The following AP3B1 variants were observed in gnomAD, a reference collection of about 807,000 sequenced individuals.
AP3B1 encodes the protein AP-3 complex subunit beta-1.
Under a neutral mutation model 132.5 loss-of-function variants are expected in AP3B1, and 61 were observed. The observed-to-expected ratio is 0.46, with a 90% CI of 0.37 to 0.57. AP3B1 has a LOEUF of 0.57. Ranked by LOEUF, AP3B1 falls within the 20% of genes least tolerant of loss-of-function variation. The pLI is 0.00. For missense variants in AP3B1, 1,120 were observed against 1,289.4 expected, an observed-to-expected ratio of 0.87 and a Z score of 2.01; for synonymous variants, 388 against 438.3, an observed-to-expected ratio of 0.89 and a Z score of 1.43.
At position 78,223,027 on chromosome 5, in the gene AP3B1, C is replaced by CTCTTTT. The variant is rs66493022; in HGVS notation, c.603+2514_603+2515insAAAAGA. ...TGTTTTTTTGTTTGTTTGTTTGTTT[C>CTCTTTT]TTTTTTTTTTTTTGTAGAGACAAGG... On this transcript the variant is annotated intron_variant, in intron 6 of 26. Coordinates refer to ENST00000255194, the MANE Select transcript of AP3B1 (RefSeq NM_003664.5). Among the ~76,000 whole-genome samples, 6 of 127,818 alleles carry CTCTTTT rather than the reference C, an allele frequency of 4.7e-5. 1 individual carries two copies. The highest frequency in any genetic ancestry group is 7.9e-5 in the Admixed American group (1 of 12,624). 83.9% of individuals were successfully genotyped at this position (127,818 alleles called of 152,430 possible).
intron 1 of AP3B1, among the ~76,000 whole-genome samples, chr5:78,272,846 A>G (rs1209055062): frequency 7.2e-5 from 11 of 152,190 alleles, no homozygotes; most frequent in Non-Finnish European, 2.9e-5. Flanking sequence ...CTCTGAATAA[A>G]TAAAGAACTG....
intron 26 of AP3B1, among the ~76,000 whole-genome samples, chr5:78,009,167 C>A (rs1746510431): frequency 6.6e-6 from 1 of 151,754 alleles, no homozygotes; most frequent in African/African-American, 2.4e-5. Flanking sequence ...AGATATGGAA[C>A]AAGTTGGCCA....
rs1452692098 is a variant in AP3B1 at position 78,139,945 on chromosome 5, G to T, written c.1650+1198C>A. 3.3e-5 allele frequency among the ~76,000 whole-genome samples: 5 copies of T among 151,392 alleles called. No homozygotes were observed. In the East Asian group the frequency reaches 9.7e-4, roughly 29 times the overall value. ...GGGGACAAAAACAAAGAGAGGGGAG[G>T]TGGAGAAAAAAAATCACAAAGGCAA... On this transcript the variant is annotated intron_variant, in intron 15 of 26. Transcript: ENST00000255194.
At chr5:78,030,284 T>A (rs1747519775) in intron 24 of AP3B1, among the ~76,000 whole-genome samples, 1 of 152,176 alleles carries the variant, frequency 6.6e-6, no homozygotes, top group Admixed American at 6.5e-5. Flanking sequence ...ACTACAGGCA[T>A]GCATCACCAT....
At chr5:78,294,407 G>A (rs373662777) in intron 1 of AP3B1, 45 bp downstream of exon 1, 34 of 1,612,670 alleles carry the variant, frequency 2.1e-5, no homozygotes, top group Non-Finnish European at 2.8e-5. Flanking sequence ...CTCCGAGTCC[G>A]CAGCTCCTCC....
chr5:78,061,534 T>G (rs1017960375), intron 22 of AP3B1, among the ~76,000 whole-genome samples: 1 of 152,240 alleles, frequency 6.6e-6, no homozygotes, highest in South Asian at 2.1e-4. Flanking sequence ...GATGCTGGTA[T>G]GATCAAGCAC....
intron 15 of AP3B1, among the ~76,000 whole-genome samples, chr5:78,130,890 T>C (rs1752659631): frequency 6.6e-6 from 1 of 151,998 alleles, no homozygotes; most frequent in Non-Finnish European, 1.5e-5. Flanking sequence ...AGCAGAATGA[T>C]ACATTTGGCT....
chr5:78,050,123 C>A (rs1247006143), intron 22 of AP3B1, among the ~76,000 whole-genome samples: 1 of 152,092 alleles, frequency 6.6e-6, no homozygotes, highest in Non-Finnish European at 1.5e-5. Context: ...GGACCCTCTA[C>A]CTGGAAGGCA....
intron 7 of AP3B1, among the ~76,000 whole-genome samples, chr5:78,202,254 T>C (rs1745322375): frequency 6.6e-6 from 1 of 152,144 alleles, no homozygotes; most frequent in East Asian, 1.9e-4. Flanking sequence ...TTTTCTTTTG[T>C]AAATTGCCCA....
intron 1 of AP3B1, among the ~76,000 whole-genome samples, chr5:78,272,174 C>T (rs1748574202): frequency 6.6e-6 from 1 of 152,188 alleles, no homozygotes; most frequent in Non-Finnish European, 1.5e-5. Context: ...AATTGCCAAT[C>T]AGAAAATCTT....
At chr5:78,186,205 A>G (rs1189325550) in intron 7 of AP3B1, among the ~76,000 whole-genome samples, 1 of 152,186 alleles carries the variant, frequency 6.6e-6, no homozygotes, top group African/African-American at 2.4e-5. Context: ...GGAAAAATAC[A>G]TAGCATGCTA....
intron 24 of AP3B1, among the ~76,000 whole-genome samples, chr5:78,022,354 TGAAG>T (rs1288960205): frequency 1.3e-5 from 2 of 152,174 alleles, no homozygotes; most frequent in Non-Finnish European, 2.9e-5. Flanking sequence ...TCTGCAGGAA[TGAAG>T]GCTAAGTTTA....
In AP3B1 at chr5:78,216,092, C is replaced by T. The variant is rs1474612691; in HGVS notation, c.749G>A (p.Arg250Gln). The change falls in exon 7 of 27, where the codon CGA (arginine) becomes CAA (glutamine). Residue 250 changes from arginine to glutamine, a missense_variant. This residue lies in a region of AP3B1 where 906 missense variants were observed against 997.1 expected (regional missense o/e 0.91). Transcript: ENST00000255194. ...GQVVIIHMLT[R>Q]YARTQFVSPW... ...GCTGACAAACTGTGTCCGAGCATAT[C>T]GAGTTAGCATGTGGATTATGACAAC... The T allele has an allele frequency of 5.6e-6, 9 of 1,613,976 alleles. No individual in the cohort carries two copies. The highest frequency in any genetic ancestry group is 1.1e-5 in the South Asian group (1 of 91,076).
At chr5:78,072,200 C>T (rs1218780314) in intron 22 of AP3B1, among the ~76,000 whole-genome samples, 1 of 152,132 alleles carries the variant, frequency 6.6e-6, no homozygotes, top group Non-Finnish European at 1.5e-5. Flanking sequence ...TAATCTTTTA[C>T]TCAACTTCTG....
intron 17 of AP3B1, among the ~76,000 whole-genome samples, chr5:78,122,554 G>A (rs907396950): frequency 1.8e-4 from 28 of 151,958 alleles, no homozygotes; most frequent in African/African-American, 5.1e-4. Flanking sequence ...CACCAATAAC[G>A]GACAAACAGA....
chr5:78,158,182 CT>C (rs1743233799), intron 13 of AP3B1, among the ~76,000 whole-genome samples: 1 of 152,114 alleles, frequency 6.6e-6, no homozygotes, highest in African/African-American at 2.4e-5. Flanking sequence ...AAGAAATTAA[CT>C]AATATTGACT....
rs900421464 is a variant in AP3B1 at position 78,229,001 on chromosome 5, C to T, written c.280-762G>A. 2.6e-5 allele frequency among the ~76,000 whole-genome samples: 4 copies of T among 152,320 alleles called. No individual in the cohort carries two copies. In the South Asian group the frequency reaches 6.2e-4, roughly 24 times the overall value. ...AGGGTGCAGTGCAATAGCACAATCA[C>T]GGCTCACTGCAGCCTCAACCTCCTG... On this transcript the variant is annotated intron_variant, in intron 3 of 26. Coordinates refer to ENST00000255194, the MANE Select transcript of AP3B1 (RefSeq NM_003664.5).
intron 21 of AP3B1, among the ~76,000 whole-genome samples, chr5:78,091,567 G>A (rs1374277723): frequency 6.6e-6 from 1 of 152,200 alleles, no homozygotes; most frequent in African/African-American, 2.4e-5. Context: ...AGGAGTGGAA[G>A]AGGAGGCTTC....
intron 2 of AP3B1, among the ~76,000 whole-genome samples, chr5:78,247,420 T>G (rs1747424015): frequency 6.6e-6 from 1 of 151,350 alleles, no homozygotes; most frequent in African/African-American, 2.4e-5. Flanking sequence ...ATTGGTTTTC[T>G]ATCTCCCTAT....
Sources: allele counts gnomAD v4.1 joint callset (sites outside exome capture counted in the v4.1 genomes callset), GRCh38; gene constraint gnomAD v4.1.1; regional missense constraint gnomAD v4.1.1; transcripts MANE v1.5; gene names NCBI Gene and HGNC (gene_info 2026-07-23, HGNC 2026-07-21).